C8orf34: variants seen among roughly 807,000 people sequenced by gnomAD.
The protein encoded by C8orf34 is uncharacterized protein C8orf34.
A neutral mutation model predicts 68.3 loss-of-function variants in C8orf34; 65 were observed. The ratio of observed to expected loss-of-function variants is 0.95; its 90% CI spans 0.78 to 1.17. The LOEUF is 1.17. Ranked by LOEUF, C8orf34 falls within the 50% of genes most tolerant of loss-of-function variation. The pLI, the probability that C8orf34 is intolerant of heterozygous loss-of-function variation, is 0.00. For synonymous variants in C8orf34, 244 were observed against 241.2 expected (o/e 1.01, Z -0.11); for missense variants, 664 against 655.4 (o/e 1.01, Z -0.14).
chr8:68,441,497 CT>C (rs1317859656), intron 2 of C8orf34, among the ~76,000 whole-genome samples: 4 of 152,054 alleles, frequency 2.6e-5, no homozygotes, highest in African/African-American at 9.7e-5. Context: ...CTTCTTCCTT[CT>C]TTCTTCTTCT....
intron 1 of C8orf34, among the ~76,000 whole-genome samples, chr8:68,429,080 T>G (rs1402491969): frequency 1.3e-5 from 2 of 152,068 alleles, no homozygotes; most frequent in African/African-American, 4.8e-5. Flanking sequence ...AATGAAGAAT[T>G]AAGTTTGACT....
intron 1 of C8orf34, among the ~76,000 whole-genome samples, chr8:68,393,659 G>A (rs1808565842): frequency 6.6e-6 from 1 of 152,118 alleles, no homozygotes; most frequent in South Asian, 2.1e-4. Flanking sequence ...TGAGAAAAGA[G>A]AACTGACAAG....
chr8:68,389,293 C>T (rs1243098687), intron 1 of C8orf34, among the ~76,000 whole-genome samples: 2 of 152,128 alleles, frequency 1.3e-5, no homozygotes, highest in African/African-American at 4.8e-5. Context: ...CTTGGACAGG[C>T]TCTTACTTTC....
intron 1 of C8orf34, among the ~76,000 whole-genome samples, chr8:68,368,701 T>A (rs758883969): frequency 2.6e-5 from 4 of 152,196 alleles, no homozygotes; most frequent in African/African-American, 7.2e-5. Context: ...GGTTTTTCTC[T>A]ATGTATTGAG....
At chr8:68,613,775 C>A (rs200270330) in intron 7 of C8orf34, among the ~76,000 whole-genome samples, 1 of 151,292 alleles carries the variant, frequency 6.6e-6, no homozygotes, top group Admixed American at 6.6e-5. Context: ...TTTATAGCAG[C>A]ATGATTTATA....
chr8:68,603,044 C>G (rs1817745066), intron 7 of C8orf34, among the ~76,000 whole-genome samples: 1 of 152,096 alleles, frequency 6.6e-6, no homozygotes, highest in African/African-American at 2.4e-5. Context: ...GAAATCACAG[C>G]CTTGCCACCC....
At chr8:68,503,653 G>T (rs1391668393) in intron 5 of C8orf34, among the ~76,000 whole-genome samples, 1 of 151,780 alleles carries the variant, frequency 6.6e-6, no homozygotes, top group Non-Finnish European at 1.5e-5. Context: ...TTCTCAAAAC[G>T]GTCCAATGGA....
rs113929703 is a variant in C8orf34 at position 68,531,460 on chromosome 8, C to T, written c.939-1523C>T. 2.4e-3 allele frequency among the ~76,000 whole-genome samples: 365 copies of T among 152,094 alleles called. 3 individuals are homozygous for T. The highest frequency in any genetic ancestry group is 6.8e-3 in the African/African-American group (282 of 41,510). On this transcript the variant is annotated intron_variant, in intron 6 of 13. Transcript: ENST00000518698. ...ATCTTCAAAAATTTCTCCCAATCTGCGTTTGTCTGATTGTTCTCTGATTAA... is the reference window on the plus strand; with the variant it reads ...ATCTTCAAAAATTTCTCCCAATCTGTGTTTGTCTGATTGTTCTCTGATTAA...
chr8:68,465,671 A>T (rs1228218368), intron 3 of C8orf34, among the ~76,000 whole-genome samples: 5 of 152,098 alleles, frequency 3.3e-5, no homozygotes, highest in Non-Finnish European at 5.9e-5. Context: ...TGAAATTGGA[A>T]ATCATCATTC....
chr8:68,362,472 G>A (rs1273853086), intron 1 of C8orf34, among the ~76,000 whole-genome samples: 5 of 152,216 alleles, frequency 3.3e-5, no homozygotes, highest in African/African-American at 2.4e-5. Context: ...CAGCGTGAGC[G>A]ACGCAGAAGA....
chr8:68,816,153 T>C (rs1386166642), intron 13 of C8orf34, among the ~76,000 whole-genome samples: 2 of 151,650 alleles, frequency 1.3e-5, no homozygotes, highest in Non-Finnish European at 2.9e-5. Flanking sequence ...TGTGTGTGTG[T>C]GTGTGTGCAT....
chr8:68,535,103 T>G, intron 7 of C8orf34: 1 of 984,890 alleles, frequency 1.0e-6, no homozygotes, highest in Non-Finnish European at 1.2e-6. Flanking sequence ...CACTGGACTT[T>G]ATCTTAAAAT....
At chr8:68,610,252 G>A (rs545451305) in intron 7 of C8orf34, among the ~76,000 whole-genome samples, 12 of 152,238 alleles carry the variant, frequency 7.9e-5, no homozygotes, top group East Asian at 7.7e-4. Flanking sequence ...AGAAATGGAG[G>A]TGGGCAGGAA....
At chr8:68,556,794 A>C (rs529704513) in intron 7 of C8orf34, among the ~76,000 whole-genome samples, 356 of 152,350 alleles carry the variant, frequency 2.3e-3, no homozygotes, top group Non-Finnish European at 4.1e-3. Flanking sequence ...TAGGTATGAT[A>C]GATTTCATCC....
intron 1 of C8orf34, among the ~76,000 whole-genome samples, chr8:68,366,581 A>C (rs1807268019): frequency 6.6e-6 from 1 of 151,722 alleles, no homozygotes; most frequent in East Asian, 2.0e-4. Flanking sequence ...CAGAGCCCTC[A>C]GAAATAACAC....
intron 5 of C8orf34, among the ~76,000 whole-genome samples, chr8:68,514,570 T>A (rs1362015347): frequency 6.6e-6 from 1 of 152,212 alleles, no homozygotes; most frequent in Non-Finnish European, 1.5e-5. Flanking sequence ...TCAAATGATG[T>A]CTTGTTCCAT....
intron 7 of C8orf34, among the ~76,000 whole-genome samples, chr8:68,608,816 G>T (rs1817930315): frequency 6.6e-6 from 1 of 152,054 alleles, no homozygotes; most frequent in Admixed American, 6.6e-5. Context: ...ACAGAGGAAG[G>T]ATGAATGTTT....
chr8:68,601,244 A>C lies in C8orf34; in HGVS notation c.1106-39132A>C, dbSNP rs528685498. Among the ~76,000 whole-genome samples the C allele has an allele frequency of 2.2e-3, 328 of 152,110 alleles. 3 individuals carry two copies. Among genetic ancestry groups the C allele is most frequent in the African/African-American group, 7.3e-3 (305 of 41,542 alleles). ...TCTTGGTATGGATTTCTTGGGGTTT[A>C]CACTATTTGGGATTGCTCATATTCT... On this transcript the variant is annotated intron_variant, in intron 7 of 13. Coordinates refer to ENST00000518698, the MANE Select transcript of C8orf34 (RefSeq NM_052958.4).
intron 7 of C8orf34, among the ~76,000 whole-genome samples, chr8:68,597,577 T>TG (rs1384651417): frequency 3.8e-5 from 1 of 26,320 alleles, no homozygotes; most frequent in Non-Finnish European, 8.8e-5. Flanking sequence ...ATTGTGGTGG[T>TG]GTGTGTGTGT....
Sources: gnomAD v4.1 joint callset for allele counts (sites outside exome capture counted in the v4.1 genomes callset) on GRCh38, gnomAD v4.1.1 for gene constraint, MANE v1.5 for transcripts, NCBI Gene and HGNC (gene_info 2026-07-23, HGNC 2026-07-21) for gene names.